The following MACROH2A1 variants were observed in gnomAD, a reference collection of about 807,000 sequenced individuals.
The protein encoded by MACROH2A1 is macroH2A.1 histone.
A neutral mutation model predicts 31.6 loss-of-function variants in MACROH2A1; 2 were observed. That is an observed-to-expected ratio of 0.06 (90% CI 0.03 to 0.20). The LOEUF (loss-of-function observed/expected upper bound fraction) is 0.20. Among genes scored for constraint, MACROH2A1 ranks in the 10% least tolerant of loss-of-function variants. MACROH2A1 has a pLI of 1.00. For missense variants in MACROH2A1, 230 were observed against 474.0 expected, an observed-to-expected ratio of 0.49 and a Z score of 4.78; for synonymous variants, 169 against 189.6, an observed-to-expected ratio of 0.89 and a Z score of 0.89.
intron 6 of MACROH2A1, among the ~76,000 whole-genome samples, chr5:135,350,002 T>C (rs1761320778): frequency 6.6e-6 from 1 of 152,094 alleles, no homozygotes; most frequent in Admixed American, 6.6e-5. Flanking sequence ...GCTGTGCTTT[T>C]TTTCTATCAC....
chr5:135,395,496 C>T (rs183190710), intron 1 of MACROH2A1, among the ~76,000 whole-genome samples: 77 of 152,254 alleles, frequency 5.1e-4, no homozygotes, highest in Non-Finnish European at 1.0e-3. Context: ...GATAAATGCC[C>T]GCATATCCAC....
At chr5:135,366,571 C>T (rs1232760671) in intron 4 of MACROH2A1, among the ~76,000 whole-genome samples, 4 of 148,192 alleles carry the variant, frequency 2.7e-5, no homozygotes, top group South Asian at 4.3e-4. Context: ...GGGGCTCATA[C>T]GATTTTTATT....
chr5:135,341,862 C>T (rs1212353150), intron 8 of MACROH2A1, among the ~76,000 whole-genome samples: 1 of 152,220 alleles, frequency 6.6e-6, no homozygotes, highest in East Asian at 1.9e-4. Context: ...GGACAGCCTG[C>T]AGTGTCATAG....
At chr5:135,352,441 T>C (rs1020207958) in intron 6 of MACROH2A1, among the ~76,000 whole-genome samples, 1 of 152,238 alleles carries the variant, frequency 6.6e-6, no homozygotes, top group Non-Finnish European at 1.5e-5. Flanking sequence ...CATTCAGTCA[T>C]ATACTGTTTT....
chr5:135,342,924 T>C (rs1298665334), intron 8 of MACROH2A1, among the ~76,000 whole-genome samples: 1 of 152,204 alleles, frequency 6.6e-6, no homozygotes, highest in African/African-American at 2.4e-5. Flanking sequence ...TATCCCTGTA[T>C]TCACGCCTCC....
chr5:135,341,186 T>C (rs1759785454), intron 8 of MACROH2A1, among the ~76,000 whole-genome samples: 1 of 152,204 alleles, frequency 6.6e-6, no homozygotes, highest in African/African-American at 2.4e-5. Context: ...TCAGAACCAT[T>C]TGTGAGGATG....
Position 135,369,962 on chromosome 5 carries a change from A to G in MACROH2A1, c.279+74T>C, listed in dbSNP as rs1191069592. On this transcript the variant is annotated intron_variant, in intron 3 of 8. Coordinates refer to ENST00000511689, the MANE Select transcript of MACROH2A1 (RefSeq NM_138610.3). This position sits in a 1 kb window ranked among gnomAD's most constrained non-coding sequence, Gnocchi z 4.3. The stretch of plus-strand genomic sequence containing the variant: ...ACCTTTCATAACCAGCCAACACCAA[A>G]GCCTCTCAGCTATGTTTCTTGGGCA... 4 of 965,234 alleles carry G rather than the reference A, an allele frequency of 4.1e-6. No individual in the cohort carries two copies. Among genetic ancestry groups the G allele is most frequent in the African/African-American group, 1.6e-5 (1 of 62,280 alleles). The allele number at this position is 965,234 out of a possible 1,614,324, so 59.8% of individuals were successfully genotyped here.
intron 6 of MACROH2A1, chr5:135,351,058 C>T (rs536068526): frequency 1.4e-5 from 8 of 582,880 alleles, no homozygotes; most frequent in Admixed American, 8.0e-5. Flanking sequence ...ACGCAGTGTG[C>T]GCACATGTGG....
At position 135,365,125 on chromosome 5, in the gene MACROH2A1, T is replaced by C. The variant is rs139981354; in HGVS notation, c.477+4281A>G. 6.8e-3 allele frequency among the ~76,000 whole-genome samples: 1,038 copies of C among 152,350 alleles called. 15 individuals are homozygous for C. Among genetic ancestry groups the C allele is most frequent in the African/African-American group, 0.024 (995 of 41,580 alleles). ...AGCGTACATCTGATGGATCTTAACCTGAGGGACAAAATTAGGCATAGTTTC... is the reference window on the plus strand; with the variant it reads ...AGCGTACATCTGATGGATCTTAACCCGAGGGACAAAATTAGGCATAGTTTC... On this transcript the variant is annotated intron_variant, in intron 4 of 8. Coordinates refer to ENST00000511689, the MANE Select transcript of MACROH2A1 (RefSeq NM_138610.3).
chr5:135,385,118 G>A (rs35448958), intron 2 of MACROH2A1, among the ~76,000 whole-genome samples: 4,765 of 152,314 alleles, frequency 0.031, 271 homozygotes, highest in African/African-American at 0.11. Flanking sequence ...TACTTCAAAT[G>A]GGCCTCCATG....
intron 6 of MACROH2A1, 51 bp from the exon 7 acceptor site, chr5:135,346,108 CACAG>C (rs1414783379): frequency 3.9e-6 from 4 of 1,036,248 alleles, no homozygotes; most frequent in Non-Finnish European, 6.1e-6. Context: ...CTCCGGCACA[CACAG>C]ACACTTAGCA....
chr5:135,369,322 G>A lies in MACROH2A1; in HGVS notation c.477+84C>T. 5 of 1,091,908 alleles carry A rather than the reference G, an allele frequency of 4.6e-6. No individual in the cohort carries two copies. Among genetic ancestry groups the A allele is most frequent in the Non-Finnish European group, 7.0e-6 (5 of 711,588 alleles). 67.6% of individuals were successfully genotyped at this position (1,091,908 alleles called of 1,614,324 possible). On this transcript the variant is annotated intron_variant, in intron 4 of 8. Transcript: ENST00000511689. This position sits in a 1 kb window ranked among gnomAD's most constrained non-coding sequence, Gnocchi z 4.3. ...TCCCATCAGTGGGATGAGCCCACAGGGGGAATGAGGGGGGTGCCCTGGTAA... is the reference window on the plus strand; with the variant it reads ...TCCCATCAGTGGGATGAGCCCACAGAGGGAATGAGGGGGGTGCCCTGGTAA...
intron 2 of MACROH2A1, among the ~76,000 whole-genome samples, chr5:135,380,971 G>A (rs1252165951): frequency 2.0e-5 from 3 of 152,092 alleles, no homozygotes; most frequent in East Asian, 1.9e-4. Flanking sequence ...GAGAAAAGAA[G>A]TTCAACAAAA....
At chr5:135,388,267 T>C (rs1400797400) in intron 2 of MACROH2A1, among the ~76,000 whole-genome samples, 1 of 151,936 alleles carries the variant, frequency 6.6e-6, no homozygotes, top group East Asian at 1.9e-4. Flanking sequence ...GTACAGGATG[T>C]GCAAAAATCC....
intron 2 of MACROH2A1, among the ~76,000 whole-genome samples, chr5:135,374,650 T>C (rs778258912): frequency 6.6e-6 from 1 of 152,228 alleles, no homozygotes; most frequent in Non-Finnish European, 1.5e-5. Context: ...ATTTCATGTT[T>C]TGGAAGGTTT....
At chr5:135,372,724 C>T (rs1026429305) in intron 2 of MACROH2A1, among the ~76,000 whole-genome samples, 3 of 152,190 alleles carry the variant, frequency 2.0e-5, no homozygotes, top group African/African-American at 7.2e-5. Context: ...AGTCTAAGCC[C>T]AACAAGAACA....
At chr5:135,392,709 C>A (rs1397370009) in intron 1 of MACROH2A1, among the ~76,000 whole-genome samples, 1 of 152,158 alleles carries the variant, frequency 6.6e-6, no homozygotes, top group Non-Finnish European at 1.5e-5. Flanking sequence ...GGGAGAGTGA[C>A]TGTGAGGCCA....
At chr5:135,337,562 A>C (rs867293464) in intron 8 of MACROH2A1, among the ~76,000 whole-genome samples, 1 of 152,266 alleles carries the variant, frequency 6.6e-6, no homozygotes, top group African/African-American at 2.4e-5. Context: ...ATTCCTCTAC[A>C]TCAATAGTTC....
intron 2 of MACROH2A1, among the ~76,000 whole-genome samples, chr5:135,370,716 G>A (rs1328451659): frequency 3.9e-5 from 6 of 152,194 alleles, no homozygotes; most frequent in Admixed American, 3.9e-4. Context: ...TGTGTGGGGG[G>A]AGGTTGTTGT....
Sources: allele counts gnomAD v4.1 joint callset (sites outside exome capture counted in the v4.1 genomes callset), GRCh38; gene constraint gnomAD v4.1.1; non-coding constraint Gnocchi (gnomAD v3.1); transcripts MANE v1.5; gene names NCBI Gene and HGNC (gene_info 2026-07-23, HGNC 2026-07-21).